MBTPS1: variants seen among roughly 807,000 people sequenced by gnomAD.
The protein encoded by MBTPS1 is membrane-bound transcription factor site-1 protease.
Under a neutral mutation model 127.8 loss-of-function variants are expected in MBTPS1, and 94 were observed. The observed-to-expected ratio is 0.74, with a 90% CI of 0.62 to 0.87. The LOEUF is 0.87. Among genes scored for constraint, MBTPS1 ranks in the 40% least tolerant of loss-of-function variants. The pLI is 0.00. For synonymous variants in MBTPS1, 632 were observed against 509.4 expected (o/e 1.24, Z -3.24); for missense variants, 1,636 against 1,353.2 (o/e 1.21, Z -3.28).
intron 1 of MBTPS1, among the ~76,000 whole-genome samples, chr16:84,112,100 G>T (rs2086405581): frequency 6.6e-6 from 1 of 152,152 alleles, no homozygotes; most frequent in East Asian, 1.9e-4. Context: ...TACTCAGGAG[G>T]CTGAGGCAGG....
chr16:84,097,493 T>G (rs2086192452), intron 3 of MBTPS1, among the ~76,000 whole-genome samples: 1 of 152,156 alleles, frequency 6.6e-6, no homozygotes, highest in Non-Finnish European at 1.5e-5. Context: ...CACAGGGGTG[T>G]CAGGCACCCG....
rs951056621 is a variant in MBTPS1 at position 84,070,597 on chromosome 16, T to G, written c.1773A>C (p.Ala591=). 2 of 1,612,100 alleles carry G rather than the reference T, an allele frequency of 1.2e-6. No homozygotes were observed. Among genetic ancestry groups the G allele is most frequent in the African/African-American group, 2.7e-5 (2 of 74,968 alleles). Residue 591 remains alanine, a synonymous_variant, in exon 13 of 23, where the codon GCA becomes GCC. Transcript: ENST00000343411. ...TCCCGCATATCCCTACCTCTGTCTC[T>G]GCTGGGGAAGCCACAGTGATCATGA... is the stretch of plus-strand genomic sequence containing the variant. ...GHVMITVASP[A]ETESKNGAEQ... is the part of the protein sequence containing the mutation.
intron 1 of MBTPS1, among the ~76,000 whole-genome samples, chr16:84,111,338 G>A (rs189105979): frequency 6.6e-6 from 1 of 152,120 alleles, no homozygotes; most frequent in Non-Finnish European, 1.5e-5. Flanking sequence ...TCAGGCGTTC[G>A]AGACCAGCCT....
intron 13 of MBTPS1, 88 bp downstream of exon 13, chr16:84,070,500 A>G (rs754724212): frequency 1.6e-5 from 22 of 1,347,856 alleles, no homozygotes; most frequent in East Asian, 2.3e-5. Flanking sequence ...TGTACTTCCA[A>G]TGGAGACCCC....
chr16:84,098,687 C>T (rs1331656748), intron 3 of MBTPS1, among the ~76,000 whole-genome samples: 2 of 152,102 alleles, frequency 1.3e-5, no homozygotes, highest in Non-Finnish European at 2.9e-5. Context: ...GAAGCAGACA[C>T]AAGGACGCGT....
chr16:84,081,979 C>T (rs1302744700), intron 10 of MBTPS1, 71 bp from the exon 11 acceptor site: 1 of 1,184,932 alleles, frequency 8.4e-7, no homozygotes, highest in Non-Finnish European at 1.1e-6. Flanking sequence ...TAAAACCTAA[C>T]CTACAAACGT....
chr16:84,098,928 G>A (rs4782584), intron 3 of MBTPS1, 125 bp downstream of exon 3: 328,743 of 985,668 alleles, frequency 0.33, 57,944 homozygotes, highest in East Asian at 0.44. Context: ...CCAGGAAAAT[G>A]TTCACAATTA....
rs1397012270 is a variant in MBTPS1 at position 84,054,251 on chromosome 16, C to T, written c.*198G>A. The T allele has an allele frequency of 4.7e-6, 2 of 428,818 alleles. No individual in the cohort carries two copies. Among genetic ancestry groups the T allele is most frequent in the Non-Finnish European group, 8.2e-6 (2 of 244,046 alleles). The allele number at this position is 428,818 out of a possible 1,614,324, so 26.6% of individuals were successfully genotyped here. Reference sequence around the variant, plus strand: ...GGCAGAGCCACTAAGTCCCTCCTGACGGGATCCACAGGAATCTTCTCGATG... The same window carrying T: ...GGCAGAGCCACTAAGTCCCTCCTGATGGGATCCACAGGAATCTTCTCGATG... On this transcript the variant is annotated 3_prime_UTR_variant, in exon 23 of 23. Coordinates refer to ENST00000343411, the MANE Select transcript of MBTPS1 (RefSeq NM_003791.4).
chr16:84,093,302 A>G lies in MBTPS1; in HGVS notation c.737-5T>C. 1 of 1,588,292 alleles carries G rather than the reference A, an allele frequency of 6.3e-7. No homozygotes were observed. Among genetic ancestry groups the G allele is most frequent in the Non-Finnish European group, 8.6e-7 (1 of 1,156,376 alleles). ...CGAATGTGCCATGGCCCAACCCTGCAGTCCATAAAGAAAACAATCCCATAA... is the reference window on the plus strand; with the variant it reads ...CGAATGTGCCATGGCCCAACCCTGCGGTCCATAAAGAAAACAATCCCATAA... On this transcript the variant is annotated splice_region_variant and splice_polypyrimidine_tract_variant and intron_variant, in intron 5 of 22. Coordinates refer to ENST00000343411, the MANE Select transcript of MBTPS1 (RefSeq NM_003791.4).
At position 84,059,365 on chromosome 16, in the gene MBTPS1, G is replaced by T. The variant is rs775034108; in HGVS notation, c.2768C>A (p.Pro923His). The T allele has an allele frequency of 3.1e-6, 5 of 1,614,178 alleles. No homozygotes were observed. The East Asian group carries it at 1.1e-4, about 36-fold the overall frequency. ...EAHLGDPKPRPLPACPRLSWA... is the reference protein window; with the variant it reads ...EAHLGDPKPRHLPACPRLSWA... ...AGACAAGCGTGGACAGGCTGGTAGA[G>T]GCCGAGGTTTTGGGTCTCCCAAATG... Residue 923 changes from proline to histidine, a missense_variant, in exon 21 of 23, where the codon CCT becomes CAT. Coordinates refer to ENST00000343411, the MANE Select transcript of MBTPS1 (RefSeq NM_003791.4).
Position 84,066,500 on chromosome 16 carries a change from G to A in MBTPS1, c.2342C>T (p.Ala781Val). The change falls in exon 17 of 23, where the codon GCC (alanine) becomes GTC (valine). Residue 781 changes from alanine (A) to valine (V), a missense_variant. Transcript: ENST00000343411. ...AAACAGAGCCTTACTGTCATGGTTG[G>A]CCAGGGTGAACTCCCCTTCATACAG... The part of the protein sequence containing the change: ...DGLYEGEFTL[A>V]NHDMYYASGC... The A allele has an allele frequency of 1.2e-6, 2 of 1,613,932 alleles. No individual in the cohort carries two copies. Among genetic ancestry groups the A allele is most frequent in the South Asian group, 2.2e-5 (2 of 91,046 alleles).
chr16:84,098,928 G>T (rs4782584), intron 3 of MBTPS1, 125 bp downstream of exon 3: 3 of 987,556 alleles, frequency 3.0e-6, no homozygotes, highest in African/African-American at 3.3e-5. Flanking sequence ...CCAGGAAAAT[G>T]TTCACAATTA....
At chr16:84,113,936 T>TAAAAC (rs2086432879) in intron 1 of MBTPS1, among the ~76,000 whole-genome samples, 1 of 150,548 alleles carries the variant, frequency 6.6e-6, no homozygotes, top group Non-Finnish European at 1.5e-5. Context: ...CAAACTATGG[T>TAAAAC]AAAACAAAGG....
intron 11 of MBTPS1, among the ~76,000 whole-genome samples, chr16:84,076,067 A>G (rs1217724605): frequency 6.6e-6 from 1 of 152,254 alleles, no homozygotes; most frequent in African/African-American, 2.4e-5. Context: ...ATTCAACATC[A>G]TATTAAGAAA....
intron 2 of MBTPS1, among the ~76,000 whole-genome samples, chr16:84,100,753 G>C (rs549375050): frequency 1.3e-5 from 2 of 151,898 alleles, no homozygotes; most frequent in Non-Finnish European, 2.9e-5. Context: ...AGAAGGTGTA[G>C]GTAAATAATT....
chr16:84,093,959 G>C, intron 4 of MBTPS1, 138 bp from the exon 5 acceptor site: 1 of 671,188 alleles, frequency 1.5e-6, no homozygotes, highest in East Asian at 2.7e-5. Context: ...GAGCAAATAA[G>C]TTAGGTCAGC....
In MBTPS1 at chr16:84,114,825, T is replaced by C. The variant is rs369818800; in HGVS notation, c.-325+1910A>G. On this transcript the variant is annotated intron_variant, in intron 1 of 22. Coordinates refer to ENST00000343411, the MANE Select transcript of MBTPS1 (RefSeq NM_003791.4). ...GCCTGGGCGACAGAGCGAGACTCTG[T>C]CTCAAAAAAATAAAAATAAATAAAG... 4.4e-4 allele frequency among the ~76,000 whole-genome samples: 62 copies of C among 140,526 alleles called. No homozygotes were observed. In the South Asian group the frequency reaches 0.013, roughly 30 times the overall value. 92.2% of individuals were successfully genotyped at this position (140,526 alleles called of 152,430 possible). A position where few individuals can be genotyped will look rare whatever the true frequency, so the allele number is the denominator to read the frequency against.
intron 10 of MBTPS1, among the ~76,000 whole-genome samples, chr16:84,083,782 C>G (rs940830487): frequency 6.6e-6 from 1 of 152,090 alleles, no homozygotes; most frequent in Non-Finnish European, 1.5e-5. Flanking sequence ...TCACAACACT[C>G]AACTAAAACT....
chr16:84,087,703 C>A (rs2086050848), intron 8 of MBTPS1, among the ~76,000 whole-genome samples: 1 of 152,102 alleles, frequency 6.6e-6, no homozygotes, highest in Admixed American at 6.6e-5. Context: ...TTCTTCTCCT[C>A]CCTGTCAACT....
Sources: allele counts gnomAD v4.1 joint callset (sites outside exome capture counted in the v4.1 genomes callset), GRCh38; gene constraint gnomAD v4.1.1; transcripts MANE v1.5; gene names NCBI Gene and HGNC (gene_info 2026-07-23, HGNC 2026-07-21).